The following PTER variants were observed in gnomAD, a reference collection of about 807,000 sequenced individuals.
PTER encodes the protein N-acetyltaurine hydrolase.
In PTER, 38 loss-of-function variants were observed where a neutral mutation model predicts 29.6. That is an observed-to-expected ratio of 1.28 (90% CI 0.99 to 1.68). The LOEUF (loss-of-function observed/expected upper bound fraction) is 1.68. PTER is among the 40% of genes most tolerant of loss of function. PTER has a pLI of 0.00. For synonymous variants in PTER, 172 were observed against 154.5 expected, an observed-to-expected ratio of 1.11 and a Z score of -0.84; for missense variants, 482 against 427.8, an observed-to-expected ratio of 1.13 and a Z score of -1.12.
At chr10:16,508,245 T>C (rs2133516229) in intron 4 of PTER, among the ~76,000 whole-genome samples, 1 of 152,056 alleles carries the variant, frequency 6.6e-6, no homozygotes, top group East Asian at 1.9e-4. Flanking sequence ...ATTTTTTGTA[T>C]TTTTAGTAGA....
At position 16,486,591 on chromosome 10, in the gene PTER, CA is replaced by C; in HGVS notation, c.676del (p.Thr226GlnfsTer70). Reference protein sequence around the residue: ...ILQEAGADISKTVMSHLDRTI... With the variant: ...ILQEAGADISXTVMSHLDRTI... ...TGCAAGAAGCAGGCGCAGACATCTC[CA>C]AAACAGTCATGTCACACCTGGATAG... On this transcript the variant is annotated frameshift_variant, in exon 3 of 5. Coordinates refer to ENST00000535784, the MANE Select transcript of PTER (RefSeq NM_001261836.2). LOFTEE classifies it high-confidence loss of function. The C allele has an allele frequency of 6.2e-7, 1 of 1,613,620 alleles. No individual in the cohort carries two copies. Among genetic ancestry groups the C allele is most frequent in the Non-Finnish European group, 8.5e-7 (1 of 1,179,720 alleles).
chr10:16,495,114 T>C (rs777879233), intron 3 of PTER, among the ~76,000 whole-genome samples: 11 of 152,008 alleles, frequency 7.2e-5, no homozygotes, highest in African/African-American at 9.7e-5. Flanking sequence ...AAATATTCAT[T>C]GGTTCTAAAT....
In PTER at chr10:16,446,087, G is replaced by A. The variant is rs563400526; in HGVS notation, c.-49+9040G>A. ...TTCGGAGCAGCTCAGTGCATAAGTG[G>A]TAAAGAATTTGCTATTTCCAATACT... On this transcript the variant is annotated intron_variant, in intron 1 of 4. Coordinates refer to ENST00000535784, the MANE Select transcript of PTER (RefSeq NM_001261836.2). 2.6e-5 allele frequency among the ~76,000 whole-genome samples: 4 copies of A among 152,266 alleles called. No individual in the cohort carries two copies. The East Asian group carries it at 7.7e-4, about 29-fold the overall frequency.
intron 1 of PTER, among the ~76,000 whole-genome samples, chr10:16,473,213 A>G (rs1835120036): frequency 6.6e-6 from 1 of 152,104 alleles, no homozygotes; most frequent in South Asian, 2.1e-4. Context: ...CTATGTAACT[A>G]TTGGGAATAA....
chr10:16,506,892 T>G (rs1054856362), intron 4 of PTER, among the ~76,000 whole-genome samples: 1 of 151,980 alleles, frequency 6.6e-6, no homozygotes, highest in African/African-American at 2.4e-5. Flanking sequence ...AGTCTAGAAA[T>G]CATGATTGCA....
chr10:16,461,694 C>T (rs1207774217), intron 1 of PTER, among the ~76,000 whole-genome samples: 2 of 152,118 alleles, frequency 1.3e-5, no homozygotes, highest in Non-Finnish European at 2.9e-5. Context: ...TTAATAAAGG[C>T]GACCTCTAGA....
downstream of PTER, among the ~76,000 whole-genome samples, chr10:16,518,424 A>C (rs1243142132): frequency 6.6e-6 from 1 of 152,238 alleles, no homozygotes; most frequent in African/African-American, 2.4e-5. Context: ...ATACATTATA[A>C]GGTCAGCTGT....
intron 1 of PTER, among the ~76,000 whole-genome samples, chr10:16,443,544 G>C (rs1833915428): frequency 6.6e-6 from 1 of 152,162 alleles, no homozygotes. Context: ...AATCTCCTCA[G>C]TTCAGGAACT....
chr10:16,439,269 T>G (rs188409142), intron 1 of PTER, among the ~76,000 whole-genome samples: 2 of 152,060 alleles, frequency 1.3e-5, no homozygotes, highest in Non-Finnish European at 2.9e-5. Context: ...TAGGGAAAGA[T>G]CAGTTTCACT....
rs576266825 is a variant in PTER at position 16,444,149 on chromosome 10, G to A, written c.-49+7102G>A. On this transcript the variant is annotated intron_variant, in intron 1 of 4. Transcript: ENST00000535784. The stretch of plus-strand genomic sequence containing the variant: ...CCCGAGTAGCTGGAACTATAGGCAC[G>A]TGCCACCATGCCCAGCTAACTTTTA... Among the ~76,000 whole-genome samples, 392 of 151,852 alleles carry A rather than the reference G, an allele frequency of 2.6e-3. 2 individuals carry two copies. Among genetic ancestry groups the A allele is most frequent in the African/African-American group, 8.6e-3 (357 of 41,424 alleles).
intron 4 of PTER, 88 bp from the exon 5 acceptor site, chr10:16,510,958 C>G: frequency 9.1e-7 from 1 of 1,094,584 alleles, no homozygotes; most frequent in African/African-American, 1.6e-5. Flanking sequence ...ACGACAAGCA[C>G]AATAGGTTAA....
At chr10:16,517,867 G>T (rs1836978328), downstream of PTER, among the ~76,000 whole-genome samples, 1 of 152,314 alleles carries the variant, frequency 6.6e-6, no homozygotes, top group South Asian at 2.1e-4. Context: ...AAAAGGTTAA[G>T]TGGCACATCA....
intron 4 of PTER, among the ~76,000 whole-genome samples, chr10:16,510,184 G>T (rs1351824594): frequency 6.6e-6 from 1 of 152,186 alleles, no homozygotes; most frequent in Non-Finnish European, 1.5e-5. Flanking sequence ...AGTCACGACA[G>T]ACACTGCCCA....
At chr10:16,492,848 A>G (rs2133469814) in intron 3 of PTER, among the ~76,000 whole-genome samples, 1 of 152,336 alleles carries the variant, frequency 6.6e-6, no homozygotes, top group East Asian at 1.9e-4. Context: ...GAATTGACCT[A>G]AGGGTTTCTG....
rs748801684 is a variant in PTER at position 16,486,431 on chromosome 10, G to C, written c.512G>C (p.Gly171Ala). The change falls in exon 3 of 5, where the codon GGT (glycine) becomes GCT (alanine). Residue 171 changes from glycine (G) to alanine (A), a missense_variant. Transcript: ENST00000535784. ...SIKCGIIGEI[G>A]CSWPLTESER... The stretch of plus-strand genomic sequence containing the variant: ...AAGTGTGGCATTATTGGAGAAATTG[G>C]TTGCTCCTGGCCTTTGACTGAGAGT... 4 of 1,614,012 alleles carry C rather than the reference G, an allele frequency of 2.5e-6. No individual in the cohort carries two copies. In the East Asian group the frequency reaches 8.9e-5, roughly 36 times the overall value.
rs942276965 is a variant in PTER, at chr10:16,462,111, A to C, written c.-48-22226A>C. 7.9e-4 allele frequency among the ~76,000 whole-genome samples: 120 copies of C among 151,096 alleles called. 1 individual carries two copies. The highest frequency in any genetic ancestry group is 1.5e-3 in the Non-Finnish European group (99 of 67,752). ...AGCAATTCTCCTGCCTCAGCCCCCCAAGTACCTGGAATTACAGGCGCCTGC... is the reference window on the plus strand; with the variant it reads ...AGCAATTCTCCTGCCTCAGCCCCCCCAGTACCTGGAATTACAGGCGCCTGC... On this transcript the variant is annotated intron_variant, in intron 1 of 4. Transcript: ENST00000535784.
At chr10:16,441,072 C>CA (rs1833833079) in intron 1 of PTER, among the ~76,000 whole-genome samples, 1 of 152,000 alleles carries the variant, frequency 6.6e-6, no homozygotes. Flanking sequence ...TCAAGAGTGG[C>CA]AAAAATGGCG....
intron 1 of PTER, among the ~76,000 whole-genome samples, chr10:16,455,690 A>C (rs1834370216): frequency 6.6e-6 from 1 of 152,180 alleles, no homozygotes; most frequent in Non-Finnish European, 1.5e-5. Flanking sequence ...GACCCTCTCA[A>C]AAAATAAAAA....
intron 1 of PTER, among the ~76,000 whole-genome samples, chr10:16,457,744 T>C (rs1287003424): frequency 6.6e-6 from 1 of 151,648 alleles, no homozygotes; most frequent in African/African-American, 2.4e-5. Flanking sequence ...GCACTACAGG[T>C]GCGTGCCACC....
Sources: allele counts gnomAD v4.1 joint callset (sites outside exome capture counted in the v4.1 genomes callset), GRCh38; gene constraint gnomAD v4.1.1; transcripts MANE v1.5; gene names NCBI Gene and HGNC (gene_info 2026-07-23, HGNC 2026-07-21).